Variants in GPR161 observed in about 807,000 individuals in gnomAD.
GPR161 encodes the protein G-protein coupled receptor RE2.
GPR161 carries 25 observed loss-of-function variants against 39.2 expected under a neutral mutation model. The ratio of observed to expected loss-of-function variants is 0.64; its 90% CI spans 0.47 to 0.89. GPR161 has a LOEUF of 0.89. GPR161 is among the 40% of genes least tolerant of loss of function. The pLI is 0.00. For synonymous variants in GPR161, 286 were observed against 276.6 expected (o/e 1.03, Z -0.34); for missense variants, 547 against 677.8 (o/e 0.81, Z 2.14).
intron 1 of GPR161, among the ~76,000 whole-genome samples, chr1:168,126,884 T>G (rs1698633058): frequency 6.6e-6 from 1 of 152,214 alleles, no homozygotes; most frequent in African/African-American, 2.4e-5. Flanking sequence ...ATATTTCCCC[T>G]ACACTAATAT....
chr1:168,137,494 G>A, upstream of GPR161: 1 of 1,034,658 alleles, frequency 9.7e-7, no homozygotes, highest in Non-Finnish European at 1.4e-6. Context: ...AGCCAGCCCC[G>A]GGGAGTGGGG....
intron 2 of GPR161, among the ~76,000 whole-genome samples, chr1:168,103,333 T>C (rs779031767): frequency 6.6e-6 from 1 of 151,692 alleles, no homozygotes; most frequent in Non-Finnish European, 1.5e-5. Context: ...GAAGCAAATA[T>C]ACTAAAAACA....
rs777703825 is a variant in GPR161 at position 168,085,777 on chromosome 1, A to T, written c.1344T>A (p.Ile448=). The T allele has an allele frequency of 6.2e-7, 1 of 1,612,212 alleles. No homozygotes were observed. Among genetic ancestry groups the T allele is most frequent in the Admixed American group, 1.7e-5 (1 of 60,000 alleles). ...TGTGTACTTCAGCTTTCACATGAAG[A>T]ATCGAGTTCTTGGCAGCTTCTGAGG... ...EQIKEAAKNS[I]LHVKAEVHKS... The change falls in exon 6 of 6, where the codon ATT becomes ATA. Residue 448 remains isoleucine (I), a synonymous_variant. Coordinates refer to ENST00000682931, the MANE Select transcript of GPR161 (RefSeq NM_001375883.1).
chr1:168,120,959 T>C (rs1698116593), intron 1 of GPR161, among the ~76,000 whole-genome samples: 1 of 152,170 alleles, frequency 6.6e-6, no homozygotes, highest in African/African-American at 2.4e-5. Flanking sequence ...CTAATACAGA[T>C]GGTAAACTTT....
chr1:168,107,392 G>C (rs532435539), intron 1 of GPR161, among the ~76,000 whole-genome samples: 1 of 152,310 alleles, frequency 6.6e-6, no homozygotes, highest in Admixed American at 6.5e-5. Flanking sequence ...CTGCTCTCGT[G>C]AATGGAATAA....
At chr1:168,092,692 T>C (rs1695178362) in intron 3 of GPR161, among the ~76,000 whole-genome samples, 1 of 152,098 alleles carries the variant, frequency 6.6e-6, no homozygotes, top group South Asian at 2.1e-4. Context: ...TACTTTGAGC[T>C]AACTACAAGA....
chr1:168,123,024 C>T (rs1698305027), intron 1 of GPR161, among the ~76,000 whole-genome samples: 1 of 152,220 alleles, frequency 6.6e-6, no homozygotes, highest in African/African-American at 2.4e-5. Context: ...CACCTTGACA[C>T]ACTAGGCATT....
intron 1 of GPR161, among the ~76,000 whole-genome samples, chr1:168,108,559 CAA>C (rs1558117261): frequency 1.7e-5 from 2 of 115,340 alleles, no homozygotes; most frequent in Non-Finnish European, 3.6e-5. Flanking sequence ...CATACACACA[CAA>C]ATATATATAA....
rs1313275840 is a variant in GPR161, at chr1:168,087,580, C to A, written c.1324+5G>T. 1.2e-6 allele frequency: 2 copies of A among 1,614,096 alleles called. No individual in the cohort carries two copies. Among genetic ancestry groups the A allele is most frequent in the Non-Finnish European group, 1.7e-6 (2 of 1,179,964 alleles). On this transcript the variant is annotated splice_donor_5th_base_variant and intron_variant, in intron 5 of 5. Coordinates refer to ENST00000682931, the MANE Select transcript of GPR161 (RefSeq NM_001375883.1). ...TTCTTGAAGCAATCAGTCACAGAAG[C>A]CAACCTTTGATTTGTTCCACTTCAT...
chr1:168,115,476 A>C (rs1242681940), intron 1 of GPR161, among the ~76,000 whole-genome samples: 1 of 151,416 alleles, frequency 6.6e-6, no homozygotes, highest in Non-Finnish European at 1.5e-5. Context: ...TAGGAAGTAG[A>C]CTCTCCTCAT....
At chr1:168,124,710 T>C (rs1339361530) in intron 1 of GPR161, among the ~76,000 whole-genome samples, 1 of 152,220 alleles carries the variant, frequency 6.6e-6, no homozygotes, top group African/African-American at 2.4e-5. Context: ...AAATCCCATG[T>C]TGAAATGTGA....
At chr1:168,085,831 G>T in intron 5 of GPR161, 35 bp from the exon 6 acceptor site, 2 of 1,582,300 alleles carry the variant, frequency 1.3e-6, no homozygotes, top group Non-Finnish European at 1.7e-6. Flanking sequence ...GTCAGCTGAG[G>T]AGCCAGGCCT....
At chr1:168,120,512 C>A (rs1419558073) in intron 1 of GPR161, among the ~76,000 whole-genome samples, 2 of 152,086 alleles carry the variant, frequency 1.3e-5, no homozygotes. Flanking sequence ...TAAGTTAAGA[C>A]CATGGGGGAC....
chr1:168,105,439 C>T (rs3753934), intron 1 of GPR161, among the ~76,000 whole-genome samples: 56,518 of 152,018 alleles, frequency 0.37, 10,799 homozygotes, highest in Admixed American at 0.48. Context: ...CCTCAGGCTC[C>T]GCATCTCCAT....
At chr1:168,094,435 T>C (rs956367110) in intron 3 of GPR161, among the ~76,000 whole-genome samples, 2 of 152,170 alleles carry the variant, frequency 1.3e-5, no homozygotes, top group Non-Finnish European at 2.9e-5. Context: ...GTTAAAATAC[T>C]GAGATACAGA....
intron 4 of GPR161, 85 bp from the exon 5 acceptor site, chr1:168,087,789 CCT>C: frequency 1.5e-6 from 2 of 1,366,754 alleles, no homozygotes; most frequent in Non-Finnish European, 2.0e-6. Flanking sequence ...CCCTTCCACC[CCT>C]CTTCTCCCGT....
Position 168,079,976 on chromosome 1 carries a change from TGA to T in GPR161, c.*5553_*5554del, listed in dbSNP as rs1693952476. On this transcript the variant is annotated 3_prime_UTR_variant, in exon 6 of 6. Transcript: ENST00000682931. The stretch of plus-strand genomic sequence containing the variant: ...TACTACTACCCAGGAAAATGCTTGC[TGA>T]GAGAAATGAACATAGCTTTGTGTAT... The T allele has an allele frequency of 6.6e-6, 1 of 152,242 alleles. No homozygotes were observed. The highest frequency in any genetic ancestry group is 1.5e-5 in the Non-Finnish European group (1 of 68,030). The allele number at this position is 152,242 out of a possible 1,614,324, so 9.4% of individuals were successfully genotyped here.
At chr1:168,103,427 G>GAA (rs373919071) in intron 2 of GPR161, among the ~76,000 whole-genome samples, 2,355 of 117,290 alleles carry the variant, frequency 0.02, 44 homozygotes, top group East Asian at 0.063. Flanking sequence ...ACTACTCAGG[G>GAA]AAAAAAAAAA....
chr1:168,116,250 A>C (rs1697623467), intron 1 of GPR161, among the ~76,000 whole-genome samples: 1 of 152,228 alleles, frequency 6.6e-6, no homozygotes, highest in South Asian at 2.1e-4. Context: ...AGCCTGCAGC[A>C]CTGGGACTTC....
Sources: allele counts gnomAD v4.1 joint callset (sites outside exome capture counted in the v4.1 genomes callset), GRCh38; gene constraint gnomAD v4.1.1; transcripts MANE v1.5; gene names NCBI Gene and HGNC (gene_info 2026-07-23, HGNC 2026-07-21).